Variants in DENND5A observed in about 807,000 individuals in gnomAD.
The protein encoded by DENND5A is DENN domain-containing protein 5A.
In DENND5A, 64 loss-of-function variants were observed where a neutral mutation model predicts 140.3. That is an observed-to-expected ratio of 0.46 (90% CI 0.37 to 0.56). The LOEUF (loss-of-function observed/expected upper bound fraction) is 0.56. DENND5A is among the 20% of genes least tolerant of loss of function. The pLI is 0.00. For synonymous variants in DENND5A, 605 were observed against 607.7 expected (o/e 1.00, Z 0.07); for missense variants, 1,292 against 1,593.8 (o/e 0.81, Z 3.22).
In DENND5A at chr11:9,186,428, C is replaced by A. The variant is rs182257787; in HGVS notation, c.1138-5344G>T. Among the ~76,000 whole-genome samples, 206 of 152,312 alleles carry A rather than the reference C, an allele frequency of 1.4e-3. 1 individual carries two copies. Among genetic ancestry groups the A allele is most frequent in the African/African-American group, 4.7e-3 (196 of 41,572 alleles). ...CACCTAACAAAACAAGCCACTGTGA[C>A]CCACGAAAGGCACACAATGCAATCA... On this transcript the variant is annotated intron_variant, in intron 5 of 22. Coordinates refer to ENST00000328194, the MANE Select transcript of DENND5A (RefSeq NM_015213.4).
At chr11:9,151,475 G>A (rs944452027) in intron 13 of DENND5A, among the ~76,000 whole-genome samples, 1 of 152,132 alleles carries the variant, frequency 6.6e-6, no homozygotes, top group Admixed American at 6.6e-5. Flanking sequence ...GAGAACTCTT[G>A]TCTCTAGTTT....
At chr11:9,146,793 C>T in intron 16 of DENND5A, 1 of 468,438 alleles carries the variant, frequency 2.1e-6, no homozygotes, top group Admixed American at 3.5e-5. Flanking sequence ...TAGGACAACA[C>T]CGACAACACA....
chr11:9,199,816 T>C (rs1442662378), intron 4 of DENND5A, among the ~76,000 whole-genome samples: 1 of 152,218 alleles, frequency 6.6e-6, no homozygotes, highest in Non-Finnish European at 1.5e-5. Context: ...ACAAGGAAGA[T>C]GTCCTTGGAT....
At chr11:9,175,439 A>G (rs1425659195) in intron 8 of DENND5A, 9 of 152,344 alleles carry the variant, frequency 5.9e-5, no homozygotes, top group Non-Finnish European at 1.3e-4. Context: ...AAAATCTTGA[A>G]AGGTTTCTTT....
rs1282800252 is a variant in DENND5A, at chr11:9,160,775, G to T, written c.2374C>A (p.Leu792Met). ...AGGAGATCACAAAGGCTGGCAATCAGGGTGTTCTCTTCCACCCCTGTGATG... is the reference window on the plus strand; with the variant it reads ...AGGAGATCACAAAGGCTGGCAATCATGGTGTTCTCTTCCACCCCTGTGATG... ...VNITGVEENT[L>M]IASLCDLLER... The change falls in exon 12 of 23, where the codon CTG becomes ATG. Residue 792 changes from leucine (L) to methionine (M), a missense_variant. Leu to Met is a conservative substitution (Grantham distance 15, BLOSUM62 2). Around this residue, in one of 4 missense-constraint regions of DENND5A, gnomAD observed 498 missense variants for 689.7 expected, o/e 0.72. Transcript: ENST00000328194. The T allele has an allele frequency of 1.2e-6, 2 of 1,613,932 alleles. No homozygotes were observed. The highest frequency in any genetic ancestry group is 1.7e-6 in the Non-Finnish European group (2 of 1,179,834).
At chr11:9,207,292 A>G in intron 2 of DENND5A, 1 of 502,458 alleles carries the variant, frequency 2.0e-6, no homozygotes, top group Non-Finnish European at 3.6e-6. Flanking sequence ...TATTCTGTCA[A>G]TTCAGAATTA....
chr11:9,179,418 A>G (rs979283806), intron 6 of DENND5A, among the ~76,000 whole-genome samples: 2 of 152,182 alleles, frequency 1.3e-5, no homozygotes, highest in African/African-American at 4.8e-5. Flanking sequence ...GGTCAATTTA[A>G]CAAACCAACA....
intron 9 of DENND5A, 140 bp from the exon 10 acceptor site, chr11:9,170,089 A>G (rs1848321549): frequency 9.8e-6 from 8 of 816,446 alleles, no homozygotes; most frequent in African/African-American, 1.7e-5. Context: ...GACAGCTCAG[A>G]GACCTTGAGG....
At chr11:9,230,749 T>A (rs910846394) in intron 1 of DENND5A, among the ~76,000 whole-genome samples, 1 of 152,026 alleles carries the variant, frequency 6.6e-6, no homozygotes, top group Non-Finnish European at 1.5e-5. Flanking sequence ...TCCCAGAATT[T>A]TGGGAGGCCA....
chr11:9,142,925 C>A (rs1300641729), intron 20 of DENND5A, 80 bp from the exon 21 acceptor site: 73 of 1,564,656 alleles, frequency 4.7e-5, no homozygotes, highest in Admixed American at 7.2e-5. Context: ...AAACCCACAG[C>A]CCAGAGTTGG....
intron 1 of DENND5A, among the ~76,000 whole-genome samples, chr11:9,250,647 G>A (rs536686521): frequency 1.8e-4 from 28 of 152,124 alleles, no homozygotes; most frequent in East Asian, 5.8e-4. Context: ...TATTTCAAGC[G>A]GGGCTAAAAA....
chr11:9,174,720 A>C (rs547250716), intron 8 of DENND5A, among the ~76,000 whole-genome samples: 29 of 151,976 alleles, frequency 1.9e-4, no homozygotes, highest in Non-Finnish European at 3.2e-4. Context: ...ACAACAAAAA[A>C]AATCAATATA....
intron 1 of DENND5A, among the ~76,000 whole-genome samples, chr11:9,228,109 TCAAAA>T (rs1015797629): frequency 9.2e-5 from 2 of 21,706 alleles, no homozygotes; most frequent in African/African-American, 6.2e-4. Context: ...AGACTCCATC[TCAAAA>T]AAAAAAAAAA....
chr11:9,150,406 A>C (rs1298840251), intron 14 of DENND5A, among the ~76,000 whole-genome samples, 197 bp from the exon 15 acceptor site: 2 of 152,218 alleles, frequency 1.3e-5, no homozygotes, highest in African/African-American at 4.8e-5. Context: ...GGAGGAAAAA[A>C]GACAGTACAG....
In DENND5A at chr11:9,247,277, G is replaced by C. The variant is rs534690439; in HGVS notation, c.109+17684C>G. Among the ~76,000 whole-genome samples, 200 of 151,292 alleles carry C rather than the reference G, an allele frequency of 1.3e-3. 1 individual carries two copies. The highest frequency in any genetic ancestry group is 1.1e-3 in the Non-Finnish European group (72 of 67,886). ...TGCCTGCAAGCCACTGGGGAGGCCA[G>C]GATTTGAACATTCAGCTGCCTCGTC... On this transcript the variant is annotated intron_variant, in intron 1 of 22. Transcript: ENST00000328194.
rs138601942 is a variant in DENND5A at position 9,230,714 on chromosome 11, C to T, written c.110-23082G>A. ...AACATGAGGAGAACAATACCTAAGC[C>T]AGGCACAGTGGCTCACATCTGTAAT... On this transcript the variant is annotated intron_variant, in intron 1 of 22. Coordinates refer to ENST00000328194, the MANE Select transcript of DENND5A (RefSeq NM_015213.4). Among the ~76,000 whole-genome samples the T allele has an allele frequency of 2.9e-3, 443 of 152,162 alleles. 2 individuals carry two copies. The highest frequency in any genetic ancestry group is 0.01 in the African/African-American group (431 of 41,506).
intron 4 of DENND5A, among the ~76,000 whole-genome samples, chr11:9,195,184 G>T (rs546995925): frequency 6.6e-6 from 1 of 150,964 alleles, no homozygotes; most frequent in Non-Finnish European, 1.5e-5. Context: ...GGGTTTAAGC[G>T]ATTCTCCTGC....
chr11:9,226,581 G>A (rs762145491), intron 1 of DENND5A, among the ~76,000 whole-genome samples: 1 of 152,052 alleles, frequency 6.6e-6, no homozygotes. Context: ...TACTCTTCTT[G>A]AAGAATTATT....
At chr11:9,263,567 G>A (rs1352849451) in intron 1 of DENND5A, among the ~76,000 whole-genome samples, 1 of 149,372 alleles carries the variant, frequency 6.7e-6, no homozygotes, top group African/African-American at 2.4e-5. Context: ...ACTGGGCCGG[G>A]CGCGGTGGCT....
Sources: gnomAD v4.1 joint callset for allele counts (sites outside exome capture counted in the v4.1 genomes callset) on GRCh38, gnomAD v4.1.1 for gene constraint, gnomAD v4.1.1 regional missense constraint, MANE v1.5 for transcripts, NCBI Gene and HGNC (gene_info 2026-07-23, HGNC 2026-07-21) for gene names.